EXO1: variants seen among roughly 807,000 people sequenced by gnomAD.
EXO1 encodes the protein exonuclease 1.
A neutral mutation model predicts 84.5 loss-of-function variants in EXO1; 69 were observed. The ratio of observed to expected loss-of-function variants is 0.82; its 90% confidence interval spans 0.67 to 1.00. EXO1 has a LOEUF of 1.00. Among genes scored for constraint, EXO1 ranks in the 50% least tolerant of loss-of-function variants. The pLI is 0.00. For synonymous variants in EXO1, 373 were observed against 366.1 expected, an observed-to-expected ratio of 1.02 and a Z score of -0.21; for missense variants, 1,045 against 1,000.7, an observed-to-expected ratio of 1.04 and a Z score of -0.60.
intron 15 of EXO1, among the ~76,000 whole-genome samples, chr1:241,885,851 G>T (rs1282471601): frequency 3.0e-5 from 3 of 99,818 alleles, no homozygotes; most frequent in South Asian, 3.0e-4. Flanking sequence ...TTTGTTTTTT[G>T]TTTTTTGTTT....
Position 241,866,880 on chromosome 1 carries a change from A to C in EXO1, c.1092A>C (p.Ser364=). The change falls in exon 11 of 16, where the codon TCA becomes TCC. Residue 364 remains serine, a synonymous_variant. Coordinates refer to ENST00000366548, the MANE Select transcript of EXO1 (RefSeq NM_130398.4). ...HSWDDKTCQK[S]ANVSSIWHRN... is the part of the protein sequence containing the mutation. ...GGGATGACAAAACATGTCAAAAGTC[A>C]GCTAATGTTAGCAGCATTTGGCATA... The C allele has an allele frequency of 3.1e-6, 5 of 1,614,124 alleles. No homozygotes were observed. The South Asian group carries it at 3.3e-5, about 11-fold the overall frequency.
chr1:241,858,852 G>A (rs898268197), intron 8 of EXO1, 134 bp downstream of exon 8: 1 of 726,824 alleles, frequency 1.4e-6, no homozygotes, highest in Non-Finnish European at 2.4e-6. Flanking sequence ...GCAAATGACT[G>A]AGGCACTAGA....
In EXO1 at chr1:241,878,821, T is replaced by C; in HGVS notation, c.1587T>C (p.Ala529=). Residue 529 remains alanine (A), a synonymous_variant, in exon 13 of 16, where the codon GCT becomes GCC. Transcript: ENST00000366548. ...KVSIQPLDET[A]VTDKENNLHE... ...GCATCCAGCCTCTGGATGAAACTGC[T>C]GTCACAGATAAAGAGAACAATCTGC... 3.1e-6 allele frequency: 5 copies of C among 1,614,102 alleles called. No individual in the cohort carries two copies. The highest frequency in any genetic ancestry group is 4.2e-6 in the Non-Finnish European group (5 of 1,179,998).
chr1:241,887,509 T>C (rs1339687403), intron 15 of EXO1, among the ~76,000 whole-genome samples: 1 of 152,208 alleles, frequency 6.6e-6, no homozygotes, highest in Non-Finnish European at 1.5e-5. Flanking sequence ...GGAAAACTGT[T>C]GTGTGGCAGA....
chr1:241,873,586 G>A (rs1662236057), intron 12 of EXO1, among the ~76,000 whole-genome samples: 1 of 152,046 alleles, frequency 6.6e-6, no homozygotes, highest in African/African-American at 2.4e-5. Context: ...TGACTGTGGA[G>A]CTGTAATATT....
In EXO1 at chr1:241,858,596, G is replaced by C; in HGVS notation, c.634G>C (p.Glu212Gln). 1 of 1,614,066 alleles carries C rather than the reference G, an allele frequency of 6.2e-7. No homozygotes were observed. The highest frequency in any genetic ancestry group is 1.3e-5 in the African/African-American group (1 of 75,032). Residue 212 changes from glutamate (E) to glutamine (Q), a missense_variant, in exon 8 of 16, where the codon GAA becomes CAA. Coordinates refer to ENST00000366548, the MANE Select transcript of EXO1 (RefSeq NM_130398.4). ...MCRQLGDVFTEEKFRYMCILS... is the reference protein window; with the variant it reads ...MCRQLGDVFTQEKFRYMCILS... ...CAGACAGCTTGGGGATGTATTCACG[G>C]AAGAGAAGTTTCGTTACATGTGTAT... is the stretch of plus-strand genomic sequence containing the variant.
rs540565734 is a variant in EXO1 at position 241,869,899 on chromosome 1, C to T, written c.1268-2133C>T. ...CGTGTTCTTGGCTCACTGCAGCCTCCATCTCCTGGGTTTGAGGAATTCTCT... is the reference window on the plus strand; with the variant it reads ...CGTGTTCTTGGCTCACTGCAGCCTCTATCTCCTGGGTTTGAGGAATTCTCT... On this transcript the variant is annotated intron_variant, in intron 11 of 15. Transcript: ENST00000366548. 9.2e-5 allele frequency among the ~76,000 whole-genome samples: 14 copies of T among 151,910 alleles called. 1 individual carries two copies. In the South Asian group the frequency reaches 2.9e-3, roughly 32 times the overall value.
rs948460807 is a variant in EXO1 at position 241,865,304 on chromosome 1, G to A, written c.1042-1526G>A. 3.3e-5 allele frequency among the ~76,000 whole-genome samples: 5 copies of A among 149,614 alleles called. No homozygotes were observed. In the South Asian group the frequency reaches 6.3e-4, roughly 19 times the overall value. The stretch of plus-strand genomic sequence containing the variant: ...TTAGCTCACTGCAACGTCTGCCTCC[G>A]AGTTTCAAGTGGTTCTCCTGCCTCA... On this transcript the variant is annotated intron_variant, in intron 10 of 15. Coordinates refer to ENST00000366548, the MANE Select transcript of EXO1 (RefSeq NM_130398.4).
intron 9 of EXO1, 41 bp downstream of exon 9, chr1:241,860,745 T>C: frequency 2.0e-6 from 3 of 1,522,946 alleles, no homozygotes; most frequent in Non-Finnish European, 1.8e-6. Context: ...TGTGCATTTT[T>C]CTTCAATATT....
At chr1:241,878,687 C>G (rs1033169951) in intron 12 of EXO1, 62 bp from the exon 13 acceptor site, 19 of 938,774 alleles carry the variant, frequency 2.0e-5, no homozygotes, top group Non-Finnish European at 3.0e-5. Flanking sequence ...AATCTTGACA[C>G]CCCTTGAGAA....
Position 241,853,373 on chromosome 1 carries a change from T to A in EXO1, c.297T>A (p.Asn99Lys). Residue 99 changes from asparagine (N) to lysine (K), a missense_variant, in exon 6 of 16, where the codon AAT becomes AAA. By Grantham distance (94) the Asn-to-Lys change is moderately conservative. Transcript: ENST00000366548. ...ERSRRERRQA[N>K]LLKGKQLLRE... ...TCCCTTGCAGAAGACGACAAGCCAATCTTCTTAAGGGAAAGCAACTTCTTC... is the reference window on the plus strand; with the variant it reads ...TCCCTTGCAGAAGACGACAAGCCAAACTTCTTAAGGGAAAGCAACTTCTTC... 6.2e-7 allele frequency: 1 copy of A among 1,614,008 alleles called. No individual in the cohort carries two copies. The highest frequency in any genetic ancestry group is 1.1e-5 in the South Asian group (1 of 91,072).
chr1:241,869,900 A>G (rs4149956), intron 11 of EXO1, among the ~76,000 whole-genome samples: 3,940 of 151,318 alleles, frequency 0.026, 114 homozygotes, highest in South Asian at 0.076. Context: ...TGCAGCCTCC[A>G]TCTCCTGGGT....
intron 11 of EXO1, among the ~76,000 whole-genome samples, chr1:241,867,837 TGAAGC>T (rs1297950878): frequency 6.6e-6 from 1 of 152,220 alleles, no homozygotes; most frequent in Non-Finnish European, 1.5e-5. Flanking sequence ...TAGAAAATCT[TGAAGC>T]GGGGCAGTGT....
At chr1:241,848,105 G>C (rs1000440710), upstream of EXO1, 51 of 152,378 alleles carry the variant, frequency 3.3e-4, no homozygotes, top group African/African-American at 1.1e-3. This position sits in a 1 kb window ranked among gnomAD's most constrained non-coding sequence, Gnocchi z 4.2. Context: ...GCAACCCTAT[G>C]AGTTGGAAGC....
chr1:241,853,236 C>A, intron 5 of EXO1, 122 bp from the exon 6 acceptor site: 1 of 1,012,048 alleles, frequency 9.9e-7, no homozygotes. Flanking sequence ...CTGGTGTGTA[C>A]TTTCTAATGA....
At chr1:241,884,327 T>C (rs926036287) in intron 14 of EXO1, among the ~76,000 whole-genome samples, 3 of 152,222 alleles carry the variant, frequency 2.0e-5, no homozygotes, top group South Asian at 4.1e-4. Context: ...TCATTCTTCC[T>C]ACACACACTG....
intron 10 of EXO1, among the ~76,000 whole-genome samples, chr1:241,866,197 T>C (rs1365624719): frequency 6.6e-6 from 1 of 152,256 alleles, no homozygotes; most frequent in African/African-American, 2.4e-5. Flanking sequence ...CACTGCAACC[T>C]CTGCCTCCTG....
chr1:241,865,252 C>T (rs982121343), intron 10 of EXO1, among the ~76,000 whole-genome samples: 33 of 147,560 alleles, frequency 2.2e-4, no homozygotes, highest in African/African-American at 7.2e-4. Context: ...CTCTCTCTTG[C>T]CCAGGCTGGC....
At position 241,857,360 on chromosome 1, in the gene EXO1, G is replaced by T. The variant is rs373134694; in HGVS notation, c.421G>T (p.Gly141Trp). 4.3e-6 allele frequency: 7 copies of T among 1,613,750 alleles called. No individual in the cohort carries two copies. The highest frequency in any genetic ancestry group is 1.1e-5 in the South Asian group (1 of 91,082). Residue 141 changes from glycine to tryptophan, a missense_variant, in exon 7 of 16, where the codon GGG becomes TGG. By Grantham distance (184) the Gly-to-Trp change is radical (BLOSUM62 -2). Transcript: ENST00000366548. ...TCTCTTCTAGGCTGCCCGGTCTCAGGGGGTAGATTGCCTCGTGGCTCCCTA... is the reference window on the plus strand; with the variant it reads ...TCTCTTCTAGGCTGCCCGGTCTCAGTGGGTAGATTGCCTCGTGGCTCCCTA... ...HKVIKAARSQ[G>W]VDCLVAPYEA...
Sources: allele counts gnomAD v4.1 joint callset (sites outside exome capture counted in the v4.1 genomes callset), GRCh38; gene constraint gnomAD v4.1.1; non-coding constraint Gnocchi (gnomAD v3.1); transcripts MANE v1.5; gene names NCBI Gene and HGNC (gene_info 2026-07-23, HGNC 2026-07-21).